NEK1: variants seen among roughly 807,000 people sequenced by gnomAD.
NEK1 encodes the protein serine/threonine-protein kinase Nek1.
In NEK1, 137 loss-of-function variants were observed where a neutral mutation model predicts 182.1. The observed-to-expected ratio is 0.75, with a 90% CI of 0.65 to 0.87. The LOEUF (loss-of-function observed/expected upper bound fraction) is 0.87, where lower values mean the gene tolerates loss of function less well. NEK1 is among the 40% of genes least tolerant of loss of function. The pLI is 0.00. For missense variants in NEK1, 1,391 were observed against 1,494.4 expected, an observed-to-expected ratio of 0.93 and a Z score of 1.14; for synonymous variants, 513 against 492.2, an observed-to-expected ratio of 1.04 and a Z score of -0.56.
intron 2 of NEK1, among the ~76,000 whole-genome samples, chr4:169,607,475 T>C (rs1480170312): frequency 6.6e-6 from 1 of 152,192 alleles, no homozygotes; most frequent in African/African-American, 2.4e-5. Context: ...TTTTTAATTT[T>C]TTTTTGAGAC....
At chr4:169,402,330 A>G (rs1407224195) in intron 32 of NEK1, among the ~76,000 whole-genome samples, 2 of 152,270 alleles carry the variant, frequency 1.3e-5, no homozygotes, top group Non-Finnish European at 2.9e-5. Context: ...CTTTCCATAT[A>G]CATGCCCATT....
chr4:169,424,976 A>G (rs4692724), intron 30 of NEK1, among the ~76,000 whole-genome samples, 176 bp from the exon 31 acceptor site: 2 of 152,242 alleles, frequency 1.3e-5, no homozygotes, highest in African/African-American at 2.4e-5. Flanking sequence ...AATAGGATAC[A>G]ATGTTCTATC....
intron 23 of NEK1, among the ~76,000 whole-genome samples, chr4:169,494,163 T>C (rs770115680): frequency 2.0e-5 from 3 of 152,122 alleles, no homozygotes; most frequent in Non-Finnish European, 4.4e-5. Flanking sequence ...GTTTGTTACA[T>C]ATGTATACAT....
intron 27 of NEK1, among the ~76,000 whole-genome samples, chr4:169,444,358 C>T (rs899804218): frequency 6.6e-6 from 1 of 151,824 alleles, no homozygotes; most frequent in African/African-American, 2.4e-5. Context: ...AATGACCAAA[C>T]TACATGCTGC....
At chr4:169,602,155 C>A (rs1235982211) in intron 3 of NEK1, 51 bp from the exon 4 acceptor site, 10 of 1,314,402 alleles carry the variant, frequency 7.6e-6, no homozygotes, top group Non-Finnish European at 1.1e-5. Flanking sequence ...AATAAACAAC[C>A]TAAAAGTCCA....
chr4:169,581,444 A>AT (rs1305410507), intron 10 of NEK1, among the ~76,000 whole-genome samples: 17 of 151,392 alleles, frequency 1.1e-4, no homozygotes, highest in South Asian at 4.2e-4. Context: ...TTTAAAAAAA[A>AT]TTTTTTTTGG....
intron 23 of NEK1, among the ~76,000 whole-genome samples, chr4:169,488,812 T>G (rs1351668268): frequency 6.6e-6 from 1 of 152,192 alleles, no homozygotes; most frequent in African/African-American, 2.4e-5. Flanking sequence ...ACATCTAGAT[T>G]ATGCTATATT....
chr4:169,443,052 T>C (rs1739792956), intron 27 of NEK1, among the ~76,000 whole-genome samples: 1 of 9,388 alleles, frequency 1.1e-4, no homozygotes, highest in South Asian at 3.2e-3. Flanking sequence ...AAAAATATTT[T>C]ATCTATCTAT....
At position 169,589,512 on chromosome 4, in the gene NEK1, G is replaced by T; in HGVS notation, c.399C>A (p.Asn133Lys). 2 of 1,473,636 alleles carry T rather than the reference G, an allele frequency of 1.4e-6. No homozygotes were observed. The highest frequency in any genetic ancestry group is 1.8e-6 in the Non-Finnish European group (2 of 1,087,816). The allele number at this position is 1,473,636 out of a possible 1,614,324, so 91.3% of individuals were successfully genotyped here. ...KILHRDIKSQ[N>K]IFLTKDGTVQ... ...CTGTTCCATCTTTAGTTAAAAATAT[G>T]TTCTGTAAAAGACAGGAAAAAAAAA... Residue 133 changes from asparagine (N) to lysine (K), a missense_variant and splice_region_variant, in exon 7 of 36, where the codon AAC becomes AAA. Around this residue, in one of 5 missense-constraint regions of NEK1, gnomAD observed 116 missense variants for 114.5 expected, o/e 1.01. Transcript: ENST00000507142.
chr4:169,562,116 A>C, intron 13 of NEK1, 21 bp downstream of exon 13: 3 of 1,477,688 alleles, frequency 2.0e-6, no homozygotes, highest in Non-Finnish European at 2.8e-6. Context: ...CTTTAAAATA[A>C]CCAGACAGAT....
At chr4:169,480,605 C>G (rs988589428) in intron 23 of NEK1, among the ~76,000 whole-genome samples, 1 of 151,106 alleles carries the variant, frequency 6.6e-6, no homozygotes, top group African/African-American at 2.4e-5. Context: ...ATACTGATGG[C>G]TACTGACTGA....
chr4:169,497,287 T>C (rs939870450), intron 23 of NEK1, among the ~76,000 whole-genome samples: 4 of 152,214 alleles, frequency 2.6e-5, no homozygotes, highest in Non-Finnish European at 5.9e-5. Flanking sequence ...TATTTGATTC[T>C]TCTCTCTTTT....
In NEK1 at chr4:169,480,800, A is replaced by G. The variant is rs149389192; in HGVS notation, c.2008-1266T>C. 3.7e-4 allele frequency among the ~76,000 whole-genome samples: 57 copies of G among 152,240 alleles called. No individual in the cohort carries two copies. The East Asian group carries it at 9.5e-3, about 25-fold the overall frequency. On this transcript the variant is annotated intron_variant, in intron 23 of 35. Coordinates refer to ENST00000507142, the MANE Select transcript of NEK1 (RefSeq NM_001199397.3). ...CACTATATTGCCTAGGCTGGTCTTGAACTTCTGGCTTCAATGACTGTCCTG... is the reference window on the plus strand; with the variant it reads ...CACTATATTGCCTAGGCTGGTCTTGGACTTCTGGCTTCAATGACTGTCCTG...
intron 23 of NEK1, among the ~76,000 whole-genome samples, chr4:169,502,274 A>G (rs76752825): frequency 6.6e-6 from 1 of 151,746 alleles, no homozygotes; most frequent in Non-Finnish European, 1.5e-5. Context: ...CAAAAAAAAA[A>G]GTCCTGGACC....
chr4:169,433,353 C>G (rs546217988), intron 29 of NEK1, among the ~76,000 whole-genome samples, 192 bp downstream of exon 29: 94 of 152,346 alleles, frequency 6.2e-4, no homozygotes, highest in African/African-American at 2.2e-3. Context: ...AGCCACTGTG[C>G]CCGGCCTCTT....
At chr4:169,521,877 C>A (rs1464106582) in intron 19 of NEK1, among the ~76,000 whole-genome samples, 1 of 152,098 alleles carries the variant, frequency 6.6e-6, no homozygotes, top group South Asian at 2.1e-4. Context: ...AAAAACATTT[C>A]TTAGTGTGGA....
At chr4:169,518,479 G>T (rs1755503536) in intron 19 of NEK1, among the ~76,000 whole-genome samples, 1 of 121,224 alleles carries the variant, frequency 8.2e-6, no homozygotes, top group African/African-American at 3.9e-5. Flanking sequence ...TTGATTTTTT[G>T]AAGGGTTTTT....
chr4:169,423,530 A>G (rs889045671), intron 31 of NEK1, among the ~76,000 whole-genome samples: 2 of 152,262 alleles, frequency 1.3e-5, no homozygotes, highest in Admixed American at 6.5e-5. Context: ...ATACAAATCA[A>G]TAACATTACT....
intron 5 of NEK1, among the ~76,000 whole-genome samples, chr4:169,593,504 A>G (rs1185282272): frequency 6.6e-6 from 1 of 152,228 alleles, no homozygotes. Flanking sequence ...GTGATAAAAT[A>G]AAGCTGGACA....
Sources: allele counts gnomAD v4.1 joint callset (sites outside exome capture counted in the v4.1 genomes callset), GRCh38; gene constraint gnomAD v4.1.1; regional missense constraint gnomAD v4.1.1; transcripts MANE v1.5; gene names NCBI Gene and HGNC (gene_info 2026-07-23, HGNC 2026-07-21).